Variants in NTRK2 observed in about 807,000 individuals in gnomAD.
The protein encoded by NTRK2 is neurotrophic receptor tyrosine kinase 2, also known as BDNF/NT-3 growth factors receptor.
NTRK2 carries 13 observed loss-of-function variants against 94.5 expected under a neutral mutation model. The ratio of observed to expected loss-of-function variants is 0.14; its 90% CI spans 0.09 to 0.22. The LOEUF is 0.22. Ranked by LOEUF, NTRK2 falls within the 10% of genes least tolerant of loss-of-function variation. The pLI is 1.00. For missense variants in NTRK2, 639 were observed against 1,071.2 expected, an observed-to-expected ratio of 0.60 and a Z score of 5.63; for synonymous variants, 372 against 407.4, an observed-to-expected ratio of 0.91 and a Z score of 1.05.
chr9:84,784,449 C>T (rs2067925078), intron 12 of NTRK2, among the ~76,000 whole-genome samples: 1 of 152,140 alleles, frequency 6.6e-6, no homozygotes, highest in Non-Finnish European at 1.5e-5. Context: ...GGGAATGGTA[C>T]TCTTTCTTCA....
intron 12 of NTRK2, among the ~76,000 whole-genome samples, chr9:84,801,563 G>A (rs1187281): frequency 0.67 from 101,691 of 152,018 alleles, 34,806 homozygotes; most frequent in Admixed American, 0.73. Context: ...GGATTCAGAG[G>A]GTAAACAACT....
chr9:84,783,228 C>T (rs1234266039), intron 12 of NTRK2, among the ~76,000 whole-genome samples: 1 of 152,200 alleles, frequency 6.6e-6, no homozygotes, highest in African/African-American at 2.4e-5. Flanking sequence ...TAGGGATTGA[C>T]TTTCCCTTCT....
At chr9:84,732,738 G>T (rs890633623) in intron 9 of NTRK2, among the ~76,000 whole-genome samples, 42 of 152,314 alleles carry the variant, frequency 2.8e-4, no homozygotes, top group African/African-American at 9.9e-4. Context: ...GGTGGAGAAG[G>T]AGATGACAGG....
At position 84,702,416 on chromosome 9, in the gene NTRK2, A is replaced by G. The variant is rs765851371; in HGVS notation, c.356A>G (p.His119Arg). The change falls in exon 4 of 19, where the codon CAC (histidine) becomes CGC (arginine). Residue 119 changes from histidine (H) to arginine (R), a missense_variant. Physicochemically the swap from His to Arg is conservative, Grantham distance 29 (BLOSUM62 0). Around this residue, in one of 5 missense-constraint regions of NTRK2, gnomAD observed 206 missense variants for 251.5 expected, o/e 0.82. Coordinates refer to ENST00000277120, the MANE Select transcript of NTRK2 (RefSeq NM_006180.6). ...TTTCTGAAAAACAGCAACCTGCAGC[A>G]CATGTAAGTAGAGATTGATTCTTTT... ...KAFLKNSNLQ[H>R]INFTRNKLTS... 1.2e-6 allele frequency: 2 copies of G among 1,613,004 alleles called. No homozygotes were observed. Among genetic ancestry groups the G allele is most frequent in the Non-Finnish European group, 1.7e-6 (2 of 1,178,936 alleles).
At chr9:84,965,577 T>C (rs979663379) in intron 17 of NTRK2, among the ~76,000 whole-genome samples, 1 of 152,176 alleles carries the variant, frequency 6.6e-6, no homozygotes, top group African/African-American at 2.4e-5. Flanking sequence ...TGATGGATGT[T>C]ATAAATACAA....
At chr9:84,935,161 G>A (rs533548453) in intron 15 of NTRK2, among the ~76,000 whole-genome samples, 1 of 152,312 alleles carries the variant, frequency 6.6e-6, no homozygotes, top group South Asian at 2.1e-4. Context: ...CATGGCTAAT[G>A]TAATAAAATG....
intron 14 of NTRK2, among the ~76,000 whole-genome samples, chr9:84,885,851 G>A (rs1385139239): frequency 6.6e-6 from 1 of 152,042 alleles, no homozygotes; most frequent in Non-Finnish European, 1.5e-5. Flanking sequence ...GACCAACATG[G>A]TGAAACCCCC....
At position 85,026,764 on chromosome 9, in the gene NTRK2, C is replaced by G. The variant is rs1332663884; in HGVS notation, c.*5327C>G. 4.3e-6 allele frequency: 1 copy of G among 232,814 alleles called. No homozygotes were observed. The highest frequency in any genetic ancestry group is 8.5e-6 in the Non-Finnish European group (1 of 117,952). 14.4% of individuals were successfully genotyped at this position (232,814 alleles called of 1,614,324 possible). A position where few individuals can be genotyped will look rare whatever the true frequency, so the allele number is the denominator to read the frequency against. On this transcript the variant is annotated 3_prime_UTR_variant, in exon 19 of 19. Transcript: ENST00000277120. ...GATATATTTCCCCTTCAATCGTGAC[C>G]TGGTATTTGGAACTCTCCTTTTCAT...
At chr9:84,728,096 T>G in intron 9 of NTRK2, 137 bp downstream of exon 9, 1 of 797,722 alleles carries the variant, frequency 1.3e-6, no homozygotes. Flanking sequence ...CATGGATCCA[T>G]AGGTCAGCGG....
At chr9:84,791,229 T>C (rs2068696490) in intron 12 of NTRK2, among the ~76,000 whole-genome samples, 2 of 152,208 alleles carry the variant, frequency 1.3e-5, no homozygotes, top group South Asian at 2.1e-4. Flanking sequence ...CTCCAAAAAA[T>C]GGATTTCCAA....
At chr9:84,808,611 C>G (rs1001767074) in intron 12 of NTRK2, among the ~76,000 whole-genome samples, 1 of 152,320 alleles carries the variant, frequency 6.6e-6, no homozygotes, top group Non-Finnish European at 1.5e-5. Flanking sequence ...GTTAAACTAG[C>G]TCAGCTTCTG....
intron 6 of NTRK2, among the ~76,000 whole-genome samples, chr9:84,721,355 T>G (rs1178678144): frequency 6.6e-6 from 1 of 152,024 alleles, no homozygotes; most frequent in Non-Finnish European, 1.5e-5. Flanking sequence ...TTTTGTATTT[T>G]TTAGTAGAGA....
chr9:84,936,532 C>T (rs183855194), intron 15 of NTRK2, among the ~76,000 whole-genome samples: 1 of 152,268 alleles, frequency 6.6e-6, no homozygotes, highest in African/African-American at 2.4e-5. Flanking sequence ...TAGTTTATAT[C>T]CCAATCACAT....
intron 15 of NTRK2, among the ~76,000 whole-genome samples, chr9:84,936,416 A>G (rs925241227): frequency 2.6e-4 from 39 of 152,258 alleles, no homozygotes; most frequent in African/African-American, 8.4e-4. Flanking sequence ...TTAGCCTAGT[A>G]GCTGGGTTGG....
At chr9:84,758,533 A>C (rs1156894335) in intron 12 of NTRK2, among the ~76,000 whole-genome samples, 1 of 152,132 alleles carries the variant, frequency 6.6e-6, no homozygotes, top group Non-Finnish European at 1.5e-5. Context: ...CTGGGATTAC[A>C]GGCGTGCGCT....
intron 14 of NTRK2, among the ~76,000 whole-genome samples, chr9:84,902,765 T>G (rs2076968858): frequency 6.6e-6 from 1 of 152,180 alleles, no homozygotes; most frequent in Non-Finnish European, 1.5e-5. Flanking sequence ...AGAGACACCC[T>G]GGGCTCTGCT....
intron 14 of NTRK2, chr9:84,872,777 T>C (rs201439414): frequency 1.6e-5 from 17 of 1,064,682 alleles, no homozygotes; most frequent in Non-Finnish European, 1.7e-5. Flanking sequence ...TAGGCAATTA[T>C]GTAAATAAGC....
chr9:84,737,979 C>T (rs2063375911), intron 9 of NTRK2, among the ~76,000 whole-genome samples: 1 of 151,500 alleles, frequency 6.6e-6, no homozygotes, highest in Admixed American at 6.6e-5. Context: ...ATCTGCAGAC[C>T]TTGGTACTTG....
chr9:84,670,067 G>T (rs2058604713), intron 1 of NTRK2, among the ~76,000 whole-genome samples, 179 bp downstream of exon 1: 1 of 152,200 alleles, frequency 6.6e-6, no homozygotes, highest in Non-Finnish European at 1.5e-5. Flanking sequence ...AAAGCCGCCG[G>T]CAGTCTCCGC....
Sources: allele counts gnomAD v4.1 joint callset (sites outside exome capture counted in the v4.1 genomes callset), GRCh38; gene constraint gnomAD v4.1.1; regional missense constraint gnomAD v4.1.1; transcripts MANE v1.5; gene names NCBI Gene and HGNC (gene_info 2026-07-23, HGNC 2026-07-21).